The following TPM3 variants were observed in gnomAD, a reference collection of about 807,000 sequenced individuals.
TPM3 encodes the protein tropomyosin 3.
A neutral mutation model predicts 43.1 loss-of-function variants in TPM3; 16 were observed. That is an observed-to-expected ratio of 0.37 (90% CI 0.25 to 0.56). The LOEUF (loss-of-function observed/expected upper bound fraction) is 0.56. Among genes scored for constraint, TPM3 ranks in the 20% least tolerant of loss-of-function variants. TPM3 has a pLI of 0.77. For synonymous variants in TPM3, 101 were observed against 116.9 expected (o/e 0.86, Z 0.88); for missense variants, 176 against 337.2 (o/e 0.52, Z 3.74).
At position 154,174,407 on chromosome 1, in the gene TPM3, T is replaced by TATATATATATATACAC. The variant is rs1261318136; in HGVS notation, c.378-1207_378-1206insGTGTATATATATATAT. 9.2e-4 allele frequency among the ~76,000 whole-genome samples: 67 copies of TATATATATATATACAC among 72,656 alleles called. 1 individual carries two copies. Among genetic ancestry groups the TATATATATATATACAC allele is most frequent in the African/African-American group, 1.3e-3 (25 of 19,976 alleles). The allele number at this position is 72,656 out of a possible 152,430, so 47.7% of individuals were successfully genotyped here. A position where few individuals can be genotyped will look rare whatever the true frequency, so the allele number is the denominator to read the frequency against. On this transcript the variant is annotated intron_variant, in intron 3 of 9. Coordinates refer to ENST00000651641, the MANE Select transcript of TPM3 (RefSeq NM_152263.4). The stretch of plus-strand genomic sequence containing the variant: ...ATATATATATATATATATATATATA[T>TATATATATATATACAC]ACACACAAAAATCCCATCCCAGCTT...
chr1:154,187,509 G>A (rs1365017726), intron 2 of TPM3: 7 of 984,416 alleles, frequency 7.1e-6, no homozygotes, highest in Non-Finnish European at 8.4e-6. Flanking sequence ...AATGGGTTTT[G>A]GTGGATTCCT....
chr1:154,181,707 G>A (rs1019150703), intron 2 of TPM3, among the ~76,000 whole-genome samples: 1 of 152,150 alleles, frequency 6.6e-6, no homozygotes, highest in East Asian at 1.9e-4. Context: ...ATCACCTGAG[G>A]TCAGGAGTTC....
intron 3 of TPM3, among the ~76,000 whole-genome samples, chr1:154,175,530 C>T (rs1450582334): frequency 6.6e-6 from 1 of 152,078 alleles, no homozygotes; most frequent in Non-Finnish European, 1.5e-5. Flanking sequence ...AACAGATTGC[C>T]AGGCCCCACA....
chr1:154,187,599 G>A (rs564337505), intron 2 of TPM3, among the ~76,000 whole-genome samples: 1 of 151,760 alleles, frequency 6.6e-6, no homozygotes, highest in Admixed American at 6.5e-5. Flanking sequence ...GTGTGTGTAT[G>A]TGTATGTCTG....
In TPM3 at chr1:154,183,027, G is replaced by A. The variant is rs146593413; in HGVS notation, c.244-6779C>T. The stretch of plus-strand genomic sequence containing the variant: ...GCCTTTCTCCCTCAACTTCTCGCTG[G>A]AGGCGCTCAGCTCGCTCCTCTGCAT... On this transcript the variant is annotated intron_variant, in intron 2 of 9. Transcript: ENST00000651641. 239 of 1,609,316 alleles carry A rather than the reference G, an allele frequency of 1.5e-4. No individual in the cohort carries two copies. In the African/African-American group the frequency reaches 2.5e-3, roughly 17 times the overall value.
chr1:154,180,654 T>A (rs1365382094), intron 2 of TPM3, among the ~76,000 whole-genome samples: 3 of 152,100 alleles, frequency 2.0e-5, no homozygotes, highest in African/African-American at 7.2e-5. Context: ...ATGCCTGTAA[T>A]CTCAGCACTT....
At chr1:154,179,321 G>C (rs1558056434) in intron 2 of TPM3, among the ~76,000 whole-genome samples, 1 of 152,194 alleles carries the variant, frequency 6.6e-6, no homozygotes, top group African/African-American at 2.4e-5. Flanking sequence ...AGGGCTATCT[G>C]CCTCTCCCCT....
chr1:154,183,253 C>A (rs1571443260), intron 2 of TPM3: 2 of 1,526,196 alleles, frequency 1.3e-6, no homozygotes, highest in East Asian at 2.5e-5. Context: ...ATGTGACGTC[C>A]CTCTGCCGCG....
intron 2 of TPM3, among the ~76,000 whole-genome samples, chr1:154,177,503 G>C (rs188263107): frequency 6.6e-6 from 1 of 152,232 alleles, no homozygotes; most frequent in African/African-American, 2.4e-5. Flanking sequence ...CTAATGGTAG[G>C]AAAACCTCTT....
In TPM3 at chr1:154,191,958, C is replaced by A. The variant is rs1663697798; in HGVS notation, c.61G>T (p.Asp21Tyr). The change falls in exon 1 of 10, where the codon GAT becomes TAT. Residue 21 changes from aspartate to tyrosine, a missense_variant. Around this residue, in one of 4 missense-constraint regions of TPM3, gnomAD observed 82 missense variants for 148.8 expected, o/e 0.55. Transcript: ENST00000651641. ...MLKLDKENAL[D>Y]RAEQAEAEQK... is the part of the protein sequence containing the mutation. ...TCAGCTTCAGCTTGCTCTGCCCGAT[C>A]CAGAGCATTCTCCTTGTCTAACTTC... The A allele has an allele frequency of 1.2e-6, 2 of 1,613,988 alleles. No homozygotes were observed.
intron 2 of TPM3, among the ~76,000 whole-genome samples, chr1:154,177,757 T>C (rs1662497116): frequency 6.6e-6 from 1 of 152,112 alleles, no homozygotes. Context: ...AGGAAGAATA[T>C]AGACCAAAAG....
Position 154,183,328 on chromosome 1 carries a change from T to A in TPM3, c.244-7080A>T, listed in dbSNP as rs1663199136. 10 of 1,459,368 alleles carry A rather than the reference T, an allele frequency of 6.9e-6. No individual in the cohort carries two copies. The South Asian group carries it at 8.1e-5, about 12-fold the overall frequency. 90.4% of individuals were successfully genotyped at this position (1,459,368 alleles called of 1,614,324 possible). ...AGGGAGAGCCGCGGCAGGGAGTGGA[T>A]CCTCCCAGTCGCCCTGGAGTACGGC... On this transcript the variant is annotated intron_variant, in intron 2 of 9. Coordinates refer to ENST00000651641, the MANE Select transcript of TPM3 (RefSeq NM_152263.4).
downstream of TPM3, among the ~76,000 whole-genome samples, chr1:154,161,131 T>TAAAAAAAAAAAAAAAAAAAAAAAAACAA (rs953940037): frequency 1.2e-5 from 1 of 85,104 alleles, no homozygotes; most frequent in African/African-American, 4.5e-5. Context: ...ATGCAAATAT[T>TAAAAAAAAAAAAAAAAAAAAAAAAACAA]AAAAAAAAAA....
At chr1:154,159,099 A>C (rs369125151), downstream of TPM3, 174 of 777,534 alleles carry the variant, frequency 2.2e-4, 1 homozygote, top group Non-Finnish European at 3.7e-4. Flanking sequence ...GAGGAAAAAG[A>C]GGAGGAGAAA....
chr1:154,178,086 A>C, intron 2 of TPM3: 2 of 963,168 alleles, frequency 2.1e-6, no homozygotes, highest in Non-Finnish European at 2.5e-6. Flanking sequence ...GGCAAGACCT[A>C]GGAGACACTG....
chr1:154,180,045 A>G (rs1359974620), intron 2 of TPM3, among the ~76,000 whole-genome samples: 1 of 152,208 alleles, frequency 6.6e-6, no homozygotes, highest in East Asian at 1.9e-4. Context: ...AAAAGACTGC[A>G]TTTAAACATT....
intron 8 of TPM3, 149 bp from the exon 9 acceptor site, chr1:154,169,532 G>A: frequency 1.3e-6 from 1 of 750,794 alleles, no homozygotes; most frequent in Non-Finnish European, 2.3e-6. Context: ...TGGCAACCAT[G>A]ACTGGACATT....
chr1:154,190,686 C>T (rs1374748977), intron 2 of TPM3, among the ~76,000 whole-genome samples: 2 of 152,168 alleles, frequency 1.3e-5, no homozygotes, highest in African/African-American at 4.8e-5. Flanking sequence ...CCTGCATTGG[C>T]CAAGATAAAT....
chr1:154,191,752 A>T (rs1462753079), intron 1 of TPM3, 150 bp downstream of exon 1: 16 of 1,585,792 alleles, frequency 1.0e-5, no homozygotes, highest in Non-Finnish European at 1.4e-5. Flanking sequence ...GATATGTTAG[A>T]TATCCTCTGC....
Sources: gnomAD v4.1 joint callset for allele counts (sites outside exome capture counted in the v4.1 genomes callset) on GRCh38, gnomAD v4.1.1 for gene constraint, gnomAD v4.1.1 regional missense constraint, MANE v1.5 for transcripts, NCBI Gene and HGNC (gene_info 2026-07-23, HGNC 2026-07-21) for gene names.